Variants in PARD3 observed in about 807,000 individuals in gnomAD.
PARD3 encodes par-3 family cell polarity regulator, also known as partitioning defective 3 homolog.
A neutral mutation model predicts 155.4 loss-of-function variants in PARD3; 75 were observed. That is an observed-to-expected ratio of 0.48 (90% CI 0.40 to 0.58). The LOEUF (loss-of-function observed/expected upper bound fraction) is 0.58. Ranked by LOEUF, PARD3 falls within the 20% of genes least tolerant of loss-of-function variation. The pLI, the probability that PARD3 is intolerant of heterozygous loss-of-function variation, is 0.00. For synonymous variants in PARD3, 576 were observed against 610.5 expected (o/e 0.94, Z 0.83); for missense variants, 1,642 against 1,721.7 (o/e 0.95, Z 0.82).
chr10:34,648,435 A>T (rs2092910074), intron 2 of PARD3, among the ~76,000 whole-genome samples: 1 of 152,138 alleles, frequency 6.6e-6, no homozygotes, highest in Admixed American at 6.5e-5. Flanking sequence ...CAAGATCTAA[A>T]CCAGTGGCCC....
intron 1 of PARD3, among the ~76,000 whole-genome samples, chr10:34,707,463 C>A (rs893560216): frequency 1.3e-5 from 2 of 152,058 alleles, no homozygotes; most frequent in African/African-American, 4.8e-5. Context: ...GAGGAAGGAC[C>A]AACCACCTAT....
At chr10:34,580,064 C>T (rs2087295979) in intron 2 of PARD3, among the ~76,000 whole-genome samples, 1 of 151,890 alleles carries the variant, frequency 6.6e-6, no homozygotes, top group African/African-American at 2.4e-5. Flanking sequence ...CAGGTATGTA[C>T]CACCATGCCT....
intron 2 of PARD3, among the ~76,000 whole-genome samples, chr10:34,636,154 C>T (rs1399136857): frequency 6.6e-6 from 1 of 152,144 alleles, no homozygotes; most frequent in Non-Finnish European, 1.5e-5. Flanking sequence ...TTTTTCATCC[C>T]TTGCCTGAAG....
chr10:34,343,929 C>T, intron 15 of PARD3: 2 of 981,038 alleles, frequency 2.0e-6, no homozygotes, highest in African/African-American at 1.7e-5. Context: ...TAACACCACA[C>T]ATGATACTAG....
chr10:34,554,021 A>G (rs2084800795), intron 2 of PARD3, among the ~76,000 whole-genome samples: 13 of 152,244 alleles, frequency 8.5e-5, no homozygotes, highest in Admixed American at 8.5e-4. Context: ...CTTTAAGTTA[A>G]TGTTGATTCC....
chr10:34,512,690 T>C (rs2081471687), intron 3 of PARD3, among the ~76,000 whole-genome samples: 1 of 152,180 alleles, frequency 6.6e-6, no homozygotes, highest in African/African-American at 2.4e-5. Flanking sequence ...CCACGTTCCT[T>C]TTTTAAAAAC....
At chr10:34,352,350 C>G (rs1838184323) in intron 14 of PARD3, among the ~76,000 whole-genome samples, 2 of 152,114 alleles carry the variant, frequency 1.3e-5, no homozygotes, top group South Asian at 4.2e-4. Flanking sequence ...TCCCCTCTCC[C>G]CTCTCCCCTC....
chr10:34,374,810 C>A, intron 11 of PARD3, 64 bp downstream of exon 11: 3 of 1,506,892 alleles, frequency 2.0e-6, no homozygotes, highest in South Asian at 1.2e-5. Flanking sequence ...TGCCATCAGG[C>A]AACTAACCCA....
intron 1 of PARD3, among the ~76,000 whole-genome samples, chr10:34,715,076 C>CTT (rs35205452): frequency 7.3e-5 from 10 of 136,752 alleles, no homozygotes; most frequent in African/African-American, 2.4e-4. Flanking sequence ...CTAGCCTAAC[C>CTT]TTTTTTTTTT....
chr10:34,563,362 C>T (rs1044112754), intron 2 of PARD3, among the ~76,000 whole-genome samples: 6 of 151,926 alleles, frequency 3.9e-5, no homozygotes, highest in African/African-American at 1.5e-4. Flanking sequence ...TCCTATATCC[C>T]ATGTTTGTCT....
chr10:34,624,876 G>T (rs962178444), intron 2 of PARD3, among the ~76,000 whole-genome samples: 18 of 152,224 alleles, frequency 1.2e-4, no homozygotes, highest in Non-Finnish European at 2.6e-4. Flanking sequence ...TGCAACCCAG[G>T]TCACACTGCT....
chr10:34,695,991 G>A (rs550778442), intron 2 of PARD3, among the ~76,000 whole-genome samples: 2 of 152,238 alleles, frequency 1.3e-5, no homozygotes, highest in South Asian at 4.1e-4. Flanking sequence ...GGACAGGCCC[G>A]AGTTGTGAAG....
intron 22 of PARD3, among the ~76,000 whole-genome samples, chr10:34,132,064 A>G (rs1304418239): frequency 6.6e-6 from 1 of 152,234 alleles, no homozygotes; most frequent in Admixed American, 6.5e-5. Flanking sequence ...AGAGGACACC[A>G]TGAAATATAG....
At chr10:34,793,069 T>C (rs1448596588) in intron 1 of PARD3, among the ~76,000 whole-genome samples, 1 of 152,184 alleles carries the variant, frequency 6.6e-6, no homozygotes, top group Non-Finnish European at 1.5e-5. Context: ...GCTCCAGCAG[T>C]GGCACTTGGT....
At position 34,551,714 on chromosome 10, in the gene PARD3, G is replaced by GT. The variant is rs567054322; in HGVS notation, c.223-34556dup. On this transcript the variant is annotated intron_variant, in intron 2 of 24. Coordinates refer to ENST00000374788, the MANE Select transcript of PARD3 (RefSeq NM_001184785.2). Reference sequence around the variant, plus strand: ...GCTCAGGCTGCGGTTAGGCCAGGACGTAAGGGCAGCGTGTGATGGGCACTG... The same window carrying GT: ...GCTCAGGCTGCGGTTAGGCCAGGACGTTAAGGGCAGCGTGTGATGGGCACTG... Among the ~76,000 whole-genome samples the GT allele has an allele frequency of 1.2e-4, 18 of 152,322 alleles. No individual in the cohort carries two copies. The East Asian group carries it at 2.5e-3, about 21-fold the overall frequency.
intron 2 of PARD3, among the ~76,000 whole-genome samples, chr10:34,651,458 C>A (rs1040204407): frequency 1.3e-5 from 2 of 152,222 alleles, no homozygotes; most frequent in African/African-American, 4.8e-5. Context: ...TCCCTGCCCA[C>A]CAGCCAGACG....
chr10:34,713,627 G>A (rs116119182), intron 1 of PARD3, among the ~76,000 whole-genome samples: 1,632 of 152,188 alleles, frequency 0.011, 36 homozygotes, highest in African/African-American at 0.038. Flanking sequence ...TTAGTCAGGC[G>A]TGGTGTTCTG....
At chr10:34,712,988 C>T (rs2094469010) in intron 1 of PARD3, among the ~76,000 whole-genome samples, 1 of 152,002 alleles carries the variant, frequency 6.6e-6, no homozygotes, top group Non-Finnish European at 1.5e-5. Context: ...GCAGGCAGAT[C>T]GCTTTAAGTC....
chr10:34,144,239 T>G (rs1163411434), intron 22 of PARD3, among the ~76,000 whole-genome samples: 1 of 152,182 alleles, frequency 6.6e-6, no homozygotes, highest in Non-Finnish European at 1.5e-5. Flanking sequence ...TAGTTTATAT[T>G]TTAAAATGCT....
Sources: allele counts gnomAD v4.1 joint callset (sites outside exome capture counted in the v4.1 genomes callset), GRCh38; gene constraint gnomAD v4.1.1; transcripts MANE v1.5; gene names NCBI Gene and HGNC (gene_info 2026-07-23, HGNC 2026-07-21).